ADAMTS20: variants seen among roughly 807,000 people sequenced by gnomAD.
The protein encoded by ADAMTS20 is ADAM metallopeptidase with thrombospondin type 1 motif 20, also known as A disintegrin and metalloproteinase with thrombospondin motifs 20.
ADAMTS20 carries 225 observed loss-of-function variants against 260.1 expected under a neutral mutation model. The observed-to-expected ratio is 0.87, with a 90% CI of 0.78 to 0.97. The LOEUF is 0.97. Among genes scored for constraint, ADAMTS20 ranks in the 50% least tolerant of loss-of-function variants. ADAMTS20 has a pLI of 0.00. For synonymous variants in ADAMTS20, 802 were observed against 769.5 expected, an observed-to-expected ratio of 1.04 and a Z score of -0.70; for missense variants, 2,400 against 2,337.7, an observed-to-expected ratio of 1.03 and a Z score of -0.55.
intron 36 of ADAMTS20, among the ~76,000 whole-genome samples, chr12:43,373,605 G>C (rs944362404): frequency 2.6e-5 from 4 of 151,706 alleles, no homozygotes; most frequent in African/African-American, 7.3e-5. Flanking sequence ...AGGGCTGCAG[G>C]CTGTGGGTTT....
At chr12:43,370,663 C>T (rs1940087446) in intron 36 of ADAMTS20, among the ~76,000 whole-genome samples, 2 of 152,182 alleles carry the variant, frequency 1.3e-5, no homozygotes, top group South Asian at 4.1e-4. Flanking sequence ...CTTGGATGAC[C>T]TACAGATATC....
At chr12:43,507,013 A>G (rs1942853448) in intron 3 of ADAMTS20, among the ~76,000 whole-genome samples, 1 of 147,704 alleles carries the variant, frequency 6.8e-6, no homozygotes, top group South Asian at 2.2e-4. Context: ...AAGATGAATA[A>G]TGTCTGGGAA....
chr12:43,488,407 G>A (rs528011688), intron 7 of ADAMTS20, among the ~76,000 whole-genome samples: 4 of 152,250 alleles, frequency 2.6e-5, no homozygotes. Flanking sequence ...AACCCACACA[G>A]TGACTTCGAA....
rs1416905681 is a variant in ADAMTS20, at chr12:43,430,451, A to G, written c.3282T>C (p.His1094=). The G allele has an allele frequency of 1.2e-6, 2 of 1,612,730 alleles. No individual in the cohort carries two copies. Among genetic ancestry groups the G allele is most frequent in the South Asian group, 1.1e-5 (1 of 90,906 alleles). Residue 1094 remains histidine, a synonymous_variant, in exon 23 of 39, where the codon CAT becomes CAC. Coordinates refer to ENST00000389420, the MANE Select transcript of ADAMTS20 (RefSeq NM_025003.5). The stretch of plus-strand genomic sequence containing the variant: ...ATTTAACATCTCGCATCTGATACCC[A>G]TGTCCACATGTGGTTGTGCACTGAA... ...PWGPCTTTCG[H]GYQMRDVKCV... is the part of the protein sequence containing the mutation.
At chr12:43,371,067 A>G (rs1940097230) in intron 36 of ADAMTS20, among the ~76,000 whole-genome samples, 1 of 152,180 alleles carries the variant, frequency 6.6e-6, no homozygotes, top group African/African-American at 2.4e-5. Context: ...ATAGTTTAGT[A>G]TGCACTGTTC....
chr12:43,407,505 A>T (rs183202562), intron 28 of ADAMTS20, among the ~76,000 whole-genome samples: 1 of 151,712 alleles, frequency 6.6e-6, no homozygotes, highest in Non-Finnish European at 1.5e-5. Context: ...TATTTTCTAT[A>T]TTATAACTTT....
intron 11 of ADAMTS20, among the ~76,000 whole-genome samples, chr12:43,460,987 TA>T (rs1429201225): frequency 0.077 from 4,624 of 59,946 alleles, 302 homozygotes; most frequent in Non-Finnish European, 0.11. Flanking sequence ...TATATATATA[TA>T]TTTTTTTTTT....
Position 43,502,392 on chromosome 12 carries a change from C to G in ADAMTS20, c.627G>C (p.Lys209Asn). 1.3e-6 allele frequency: 2 copies of G among 1,580,574 alleles called. No homozygotes were observed. Among genetic ancestry groups the G allele is most frequent in the Non-Finnish European group, 1.7e-6 (2 of 1,171,124 alleles). The change falls in exon 4 of 39, where the codon AAG (lysine) becomes AAC (asparagine). Residue 209 changes from lysine to asparagine, a missense_variant. Lys to Asn is a moderately conservative substitution (Grantham distance 94). Coordinates refer to ENST00000389420, the MANE Select transcript of ADAMTS20 (RefSeq NM_025003.5). Reference protein sequence around the residue: ...KYCSVSESQIKETSLPFHTYS... With the variant: ...KYCSVSESQINETSLPFHTYS... ...AGGTATGAAAGGGTAAACTGGTTTC[C>G]TTTATTTGACTTTCTAGGGAGAAAA... is the stretch of plus-strand genomic sequence containing the variant.
chr12:43,541,290 G>T (rs1356722192), intron 2 of ADAMTS20, among the ~76,000 whole-genome samples: 1 of 152,094 alleles, frequency 6.6e-6, no homozygotes, highest in Non-Finnish European at 1.5e-5. Flanking sequence ...TGTACTCATA[G>T]ACTCTTATGT....
intron 3 of ADAMTS20, among the ~76,000 whole-genome samples, chr12:43,512,989 T>A (rs1451103436): frequency 6.6e-6 from 1 of 152,206 alleles, no homozygotes; most frequent in African/African-American, 2.4e-5. Flanking sequence ...TAGCTACTCA[T>A]GTTCACAAAA....
At chr12:43,432,561 G>T in intron 20 of ADAMTS20, 40 bp downstream of exon 20, 3 of 1,606,382 alleles carry the variant, frequency 1.9e-6, no homozygotes, top group Non-Finnish European at 2.6e-6. Context: ...TAATTAGAAA[G>T]AAAGGGGCAA....
intron 29 of ADAMTS20, among the ~76,000 whole-genome samples, chr12:43,392,187 C>T (rs1008521308): frequency 4.6e-5 from 7 of 151,932 alleles, no homozygotes; most frequent in South Asian, 2.1e-4. Context: ...TGTAGTTTAA[C>T]GTAAATGAAT....
At chr12:43,487,102 T>A (rs141068444) in intron 7 of ADAMTS20, among the ~76,000 whole-genome samples, 1 of 152,290 alleles carries the variant, frequency 6.6e-6, no homozygotes, top group East Asian at 1.9e-4. Context: ...GAAGTCACTA[T>A]ATCAAAAAGA....
intron 27 of ADAMTS20, 93 bp from the exon 28 acceptor site, chr12:43,425,783 TTATTC>T (rs1941321654): frequency 2.3e-6 from 2 of 855,492 alleles, no homozygotes; most frequent in Non-Finnish European, 3.3e-6. Context: ...GTAATTATGT[TTATTC>T]TAGTAATTTT....
chr12:43,383,826 C>A lies in ADAMTS20; in HGVS notation c.4604G>T (p.Gly1535Val), dbSNP rs765663086. Reference sequence around the variant, plus strand: ...CACATTCAGCCTCCCTCTTTCCATCCCCTTGTGCTGCACACAGTCCTGACT... The same window carrying A: ...CACATTCAGCCTCCCTCTTTCCATCACCTTGTGCTGCACACAGTCCTGACT... ...CWSQDCVQHK[G>V]MERGRLNCST... is the part of the protein sequence containing the mutation. Residue 1535 changes from glycine to valine, a missense_variant, in exon 30 of 39, where the codon GGG becomes GTG. Gly to Val is a moderately radical substitution (Grantham distance 109, BLOSUM62 -3). Transcript: ENST00000389420. 1 of 1,613,816 alleles carries A rather than the reference C, an allele frequency of 6.2e-7. No individual in the cohort carries two copies. The highest frequency in any genetic ancestry group is 1.7e-5 in the Admixed American group (1 of 60,012).
intron 31 of ADAMTS20, among the ~76,000 whole-genome samples, chr12:43,380,859 C>A (rs1940334420): frequency 6.6e-6 from 1 of 152,046 alleles, no homozygotes; most frequent in Admixed American, 6.6e-5. Context: ...TCTCAGCTGG[C>A]TCTTACATAG....
intron 21 of ADAMTS20, 38 bp from the exon 22 acceptor site, chr12:43,431,534 T>C (rs771335188): frequency 6.2e-7 from 1 of 1,609,404 alleles, no homozygotes. Flanking sequence ...ATTTGCAGCA[T>C]TAGTCAACAC....
chr12:43,463,126 T>A (rs1172562072), intron 10 of ADAMTS20, 127 bp from the exon 11 acceptor site: 1 of 512,132 alleles, frequency 2.0e-6, no homozygotes, highest in African/African-American at 2.0e-5. Context: ...CTGAAACTAA[T>A]CAGCAAATTT....
chr12:43,387,713 C>T (rs1346448721), intron 29 of ADAMTS20, among the ~76,000 whole-genome samples: 3 of 152,222 alleles, frequency 2.0e-5, no homozygotes. Context: ...AGAGAGGCAG[C>T]TTGGCTAGAG....
Sources: allele counts gnomAD v4.1 joint callset (sites outside exome capture counted in the v4.1 genomes callset), GRCh38; gene constraint gnomAD v4.1.1; transcripts MANE v1.5; gene names NCBI Gene and HGNC (gene_info 2026-07-23, HGNC 2026-07-21).